Variants in PAK5 observed in about 807,000 individuals in gnomAD.
PAK5 encodes p21 (RAC1) activated kinase 5, also known as serine/threonine-protein kinase PAK 5.
In PAK5, 16 loss-of-function variants were observed where a neutral mutation model predicts 65.9. The ratio of observed to expected loss-of-function variants is 0.24; its 90% CI spans 0.16 to 0.37. The LOEUF (loss-of-function observed/expected upper bound fraction) is 0.37. Ranked by LOEUF, PAK5 falls within the 10% of genes least tolerant of loss-of-function variation. The pLI, the probability that PAK5 is intolerant of heterozygous loss-of-function variation, is 1.00. For missense variants in PAK5, 785 were observed against 903.9 expected (o/e 0.87, Z 1.69); for synonymous variants, 371 against 354.9 (o/e 1.05, Z -0.51).
chr20:9,541,509 T>TC (rs1490726870), intron 9 of PAK5, among the ~76,000 whole-genome samples: 1 of 152,198 alleles, frequency 6.6e-6, no homozygotes, highest in Non-Finnish European at 1.5e-5. Flanking sequence ...CCTACCTTTT[T>TC]CCCCTTTCTG....
chr20:9,544,027 C>T (rs535969793), intron 8 of PAK5, among the ~76,000 whole-genome samples: 27 of 152,212 alleles, frequency 1.8e-4, no homozygotes, highest in Non-Finnish European at 4.0e-4. Context: ...CTCATGCCTG[C>T]TCATCTGCAT....
In PAK5 at chr20:9,722,758, T is replaced by C. The variant is rs543224567; in HGVS notation, c.-161-11323A>G. Among the ~76,000 whole-genome samples, 99 of 151,760 alleles carry C rather than the reference T, an allele frequency of 6.5e-4. 1 individual carries two copies. The highest frequency in any genetic ancestry group is 2.3e-3 in the African/African-American group (96 of 41,156). ...TCCAATGGAAGATTTTTTTTTTTTT[T>C]AGAAGGCTTGCTCTATCGCCCAGGC... On this transcript the variant is annotated intron_variant, in intron 1 of 9. Coordinates refer to ENST00000353224, the MANE Select transcript of PAK5 (RefSeq NM_177990.4).
At chr20:9,706,904 C>G (rs1235231797) in intron 2 of PAK5, among the ~76,000 whole-genome samples, 2 of 152,084 alleles carry the variant, frequency 1.3e-5, no homozygotes. Context: ...ATTGACCTAA[C>G]TTTGTTCATC....
Position 9,830,672 on chromosome 20 carries a change from G to C in PAK5, c.-162+8090C>G, listed in dbSNP as rs529117846. 5.9e-5 allele frequency among the ~76,000 whole-genome samples: 9 copies of C among 152,226 alleles called. No individual in the cohort carries two copies. The South Asian group carries it at 1.0e-3, about 18-fold the overall frequency. On this transcript the variant is annotated intron_variant, in intron 1 of 9. Transcript: ENST00000353224. ...GACCTTTCTTTCAAAATTCCTGCCG[G>C]TATATAAGGATCAGGCTGAAAATCC...
chr20:9,677,781 T>C (rs1249453108), intron 2 of PAK5, among the ~76,000 whole-genome samples: 3 of 152,226 alleles, frequency 2.0e-5, no homozygotes, highest in Non-Finnish European at 2.9e-5. Flanking sequence ...CTTTCACTCA[T>C]GGAAATCACA....
rs2045611666 is a variant in PAK5, at chr20:9,562,819, A to C, written c.1616+72T>G. Reference sequence around the variant, plus strand: ...AGTGCCTGCAATTTATGAAGAGTTCATAGTCACTGCGGCTTTATCCTGGAG... The same window carrying C: ...AGTGCCTGCAATTTATGAAGAGTTCCTAGTCACTGCGGCTTTATCCTGGAG... On this transcript the variant is annotated intron_variant, in intron 6 of 9. Transcript: ENST00000353224. 2.1e-6 allele frequency: 3 copies of C among 1,405,378 alleles called. No individual in the cohort carries two copies. In the East Asian group the frequency reaches 6.8e-5, roughly 32 times the overall value. 87.1% of individuals were successfully genotyped at this position (1,405,378 alleles called of 1,614,324 possible).
intron 1 of PAK5, among the ~76,000 whole-genome samples, chr20:9,813,087 T>C (rs567495372): frequency 6.6e-6 from 1 of 152,266 alleles, no homozygotes; most frequent in Admixed American, 6.5e-5. Context: ...AGCAACAATA[T>C]AGATGAATCC....
At chr20:9,591,412 T>C (rs371648602) in intron 3 of PAK5, among the ~76,000 whole-genome samples, 1 of 151,970 alleles carries the variant, frequency 6.6e-6, no homozygotes, top group Non-Finnish European at 1.5e-5. Context: ...ATGAAAGAAA[T>C]GTAAGCATAT....
chr20:9,648,198 A>C (rs996932361), intron 2 of PAK5, among the ~76,000 whole-genome samples: 3 of 152,184 alleles, frequency 2.0e-5, no homozygotes, highest in African/African-American at 7.2e-5. Flanking sequence ...CCATGAGAGG[A>C]TACAAAACAA....
chr20:9,702,496 T>A (rs1376143804), intron 2 of PAK5, among the ~76,000 whole-genome samples: 3 of 152,110 alleles, frequency 2.0e-5, no homozygotes, highest in Non-Finnish European at 4.4e-5. Flanking sequence ...AGATATGCAA[T>A]CACGATGTGT....
chr20:9,625,545 A>C (rs186101949), intron 3 of PAK5, among the ~76,000 whole-genome samples: 2 of 152,150 alleles, frequency 1.3e-5, no homozygotes, highest in South Asian at 2.1e-4. Context: ...TTTCACAATG[A>C]TTTTTATTTG....
At chr20:9,679,516 C>A (rs1273966157) in intron 2 of PAK5, among the ~76,000 whole-genome samples, 2 of 151,952 alleles carry the variant, frequency 1.3e-5, no homozygotes, top group Non-Finnish European at 2.9e-5. Flanking sequence ...TGGTAAACAC[C>A]TTTTTTTTCT....
At chr20:9,639,518 G>GT (rs1471457306) in intron 3 of PAK5, among the ~76,000 whole-genome samples, 1 of 152,094 alleles carries the variant, frequency 6.6e-6, no homozygotes, top group Non-Finnish European at 1.5e-5. Flanking sequence ...CTCCTTGTCT[G>GT]TTTTTATTTT....
Position 9,544,363 on chromosome 20 carries a change from C to T in PAK5, c.1869+6G>A, listed in dbSNP as rs771654779. 2.5e-6 allele frequency: 4 copies of T among 1,613,616 alleles called. No homozygotes were observed. The East Asian group carries it at 8.9e-5, about 36-fold the overall frequency. ...CCTGCCACGCCTATGACTGTGACCC[C>T]CTTACCTCTGTCCCATAAGGTAGCC... On this transcript the variant is annotated splice_donor_region_variant and intron_variant, in intron 8 of 9. Transcript: ENST00000353224.
chr20:9,591,135 T>A (rs2046163291), intron 3 of PAK5, among the ~76,000 whole-genome samples: 1 of 152,136 alleles, frequency 6.6e-6, no homozygotes, highest in African/African-American at 2.4e-5. Flanking sequence ...TATATAATAA[T>A]CATAATATGA....
intron 2 of PAK5, among the ~76,000 whole-genome samples, chr20:9,709,929 C>A (rs373174517): frequency 1.3e-5 from 2 of 152,188 alleles, no homozygotes; most frequent in Non-Finnish European, 2.9e-5. Context: ...TTACATAATA[C>A]AAGATGTGAA....
At chr20:9,667,007 G>C (rs1214012017) in intron 2 of PAK5, among the ~76,000 whole-genome samples, 1 of 152,300 alleles carries the variant, frequency 6.6e-6, no homozygotes, top group East Asian at 1.9e-4. Context: ...ATCGGGCATA[G>C]TGGCTCATGC....
intron 7 of PAK5, among the ~76,000 whole-genome samples, chr20:9,546,678 G>C (rs2045349526): frequency 6.6e-6 from 1 of 152,188 alleles, no homozygotes; most frequent in Non-Finnish European, 1.5e-5. Flanking sequence ...GCCAAGGTAG[G>C]GATAGCAGCA....
At chr20:9,766,227 G>GA (rs961842264) in intron 1 of PAK5, among the ~76,000 whole-genome samples, 5 of 63,962 alleles carry the variant, frequency 7.8e-5, no homozygotes, top group African/African-American at 2.3e-4. Flanking sequence ...TCTCAAAAAG[G>GA]AAAAAAAAAG....
Sources: allele counts gnomAD v4.1 joint callset (sites outside exome capture counted in the v4.1 genomes callset), GRCh38; gene constraint gnomAD v4.1.1; transcripts MANE v1.5; gene names NCBI Gene and HGNC (gene_info 2026-07-23, HGNC 2026-07-21).